CTNND2: variants seen among roughly 807,000 people sequenced by gnomAD.
CTNND2 encodes the protein catenin delta 2, also known as catenin delta-2.
In CTNND2, 22 loss-of-function variants were observed where a neutral mutation model predicts 144.4. The ratio of observed to expected loss-of-function variants is 0.15; its 90% CI spans 0.11 to 0.22. The LOEUF is 0.22. Ranked by LOEUF, CTNND2 falls within the 10% of genes least tolerant of loss-of-function variation. The pLI is 1.00. For missense variants in CTNND2, 1,353 were observed against 1,618.8 expected (o/e 0.84, Z 2.82); for synonymous variants, 751 against 695.6 (o/e 1.08, Z -1.25).
chr5:11,459,937 C>T (rs1766052011), intron 3 of CTNND2, among the ~76,000 whole-genome samples: 1 of 152,144 alleles, frequency 6.6e-6, no homozygotes, highest in Admixed American at 6.5e-5. Context: ...TGGTTAATGC[C>T]TCAAGTAATC....
At chr5:11,484,922 G>T (rs184844039) in intron 3 of CTNND2, among the ~76,000 whole-genome samples, 3 of 152,288 alleles carry the variant, frequency 2.0e-5, no homozygotes, top group Admixed American at 1.3e-4. Flanking sequence ...CTTTCTAAAA[G>T]AGGTGAAAGT....
intron 12 of CTNND2, among the ~76,000 whole-genome samples, chr5:11,122,846 T>C (rs1372997607): frequency 1.3e-5 from 2 of 151,980 alleles, no homozygotes; most frequent in Non-Finnish European, 2.9e-5. Flanking sequence ...ACAGCCTTGA[T>C]GCAACCCAGC....
chr5:11,848,672 G>A, intron 1 of CTNND2, among the ~76,000 whole-genome samples: 1 of 152,146 alleles, frequency 6.6e-6, no homozygotes, highest in South Asian at 2.1e-4. Context: ...TGTTAGTTCA[G>A]GCTATGTCTT....
intron 6 of CTNND2, among the ~76,000 whole-genome samples, chr5:11,390,821 G>T (rs61749827): frequency 0.036 from 5,432 of 152,240 alleles, 303 homozygotes; most frequent in African/African-American, 0.11. Flanking sequence ...GTTTTCCTGG[G>T]ATTACAATCA....
intron 10 of CTNND2, among the ~76,000 whole-genome samples, chr5:11,220,757 C>T (rs1739708141): frequency 2.0e-5 from 3 of 152,208 alleles, no homozygotes; most frequent in Admixed American, 2.0e-4. Flanking sequence ...TCACCCACTG[C>T]TACAGTTCAG....
At chr5:11,510,049 A>C (rs1771492825) in intron 3 of CTNND2, among the ~76,000 whole-genome samples, 1 of 152,178 alleles carries the variant, frequency 6.6e-6, no homozygotes, top group Non-Finnish European at 1.5e-5. Context: ...CACCCTCCTC[A>C]GCCTCCGAGT....
At chr5:11,574,649 T>C (rs1353679381) in intron 2 of CTNND2, among the ~76,000 whole-genome samples, 2 of 152,188 alleles carry the variant, frequency 1.3e-5, no homozygotes, top group Non-Finnish European at 2.9e-5. Flanking sequence ...ATTGTACTGT[T>C]CAAGTTCACA....
chr5:11,490,787 C>T (rs1439232929), intron 3 of CTNND2, among the ~76,000 whole-genome samples: 1 of 152,150 alleles, frequency 6.6e-6, no homozygotes, highest in Non-Finnish European at 1.5e-5. Flanking sequence ...TACACTTAAT[C>T]TCTCGAATGA....
chr5:11,604,228 T>C (rs750209163), intron 2 of CTNND2, among the ~76,000 whole-genome samples: 11 of 152,346 alleles, frequency 7.2e-5, no homozygotes, highest in East Asian at 3.9e-4. Context: ...CAGTGTTTCA[T>C]TTATGCAGCA....
intron 13 of CTNND2, among the ~76,000 whole-genome samples, chr5:11,111,322 GA>G (rs1752952249): frequency 1.3e-5 from 2 of 152,196 alleles, no homozygotes; most frequent in South Asian, 4.1e-4. Context: ...TGTGAGAAGG[GA>G]AGAATGTACA....
At chr5:11,240,286 CT>C (rs1742135320) in intron 9 of CTNND2, among the ~76,000 whole-genome samples, 1 of 121,210 alleles carries the variant, frequency 8.3e-6, no homozygotes, top group African/African-American at 3.2e-5. Context: ...CACACACACA[CT>C]CAAACACACA....
At chr5:11,329,578 AG>A (rs2149713252) in intron 9 of CTNND2, among the ~76,000 whole-genome samples, 1 of 152,326 alleles carries the variant, frequency 6.6e-6, no homozygotes, top group African/African-American at 2.4e-5. Context: ...CTCTTAAGCC[AG>A]TCTGAATTCA....
intron 1 of CTNND2, among the ~76,000 whole-genome samples, chr5:11,781,708 A>G (rs569135070): frequency 6.6e-6 from 1 of 152,330 alleles, no homozygotes; most frequent in South Asian, 2.1e-4. Flanking sequence ...TGAACCAGGT[A>G]AAATAAACAT....
chr5:11,066,986 C>A (rs997132778), intron 16 of CTNND2, among the ~76,000 whole-genome samples: 1 of 152,190 alleles, frequency 6.6e-6, no homozygotes, highest in Non-Finnish European at 1.5e-5. Context: ...GTGCCTGATG[C>A]AGCCATATAC....
intron 2 of CTNND2, chr5:11,588,647 A>G: frequency 1.7e-6 from 1 of 581,948 alleles, no homozygotes; most frequent in Non-Finnish European, 2.2e-6. Flanking sequence ...CAGTTTTAAA[A>G]CTTTAGTTAA....
chr5:11,064,165 G>C (rs111820457), intron 16 of CTNND2, among the ~76,000 whole-genome samples: 1 of 152,142 alleles, frequency 6.6e-6, no homozygotes, highest in Non-Finnish European at 1.5e-5. Context: ...TGAAGGCAAG[G>C]TGTGTTCCCT....
intron 3 of CTNND2, among the ~76,000 whole-genome samples, chr5:11,559,394 T>G (rs914194932): frequency 1.3e-5 from 2 of 152,220 alleles, no homozygotes; most frequent in Non-Finnish European, 2.9e-5. Context: ...ATGTTTCCAC[T>G]GCTCTACTCC....
intron 2 of CTNND2, among the ~76,000 whole-genome samples, chr5:11,722,651 A>G (rs377131687): frequency 1.3e-5 from 2 of 152,208 alleles, no homozygotes; most frequent in South Asian, 2.1e-4. Flanking sequence ...GGTAGGAAGG[A>G]GAAGAATGAC....
intron 18 of CTNND2, among the ~76,000 whole-genome samples, chr5:11,000,697 G>C (rs1351806168): frequency 1.3e-5 from 2 of 152,176 alleles, no homozygotes; most frequent in African/African-American, 4.8e-5. Flanking sequence ...GGTGGAATTA[G>C]AGAGCTGTCA....
Sources: allele counts gnomAD v4.1 joint callset (sites outside exome capture counted in the v4.1 genomes callset), GRCh38; gene constraint gnomAD v4.1.1; transcripts MANE v1.5; gene names NCBI Gene and HGNC (gene_info 2026-07-23, HGNC 2026-07-21).